Variants in LRRC53 observed in about 807,000 individuals in gnomAD.
LRRC53 encodes leucine-rich repeat-containing protein 53.
LRRC53 carries 25 observed loss-of-function variants against 13.6 expected under a neutral mutation model. That is an observed-to-expected ratio of 1.83 (90% CI 1.34 to 2.56). The LOEUF is 2.56. Among genes scored for constraint, LRRC53 ranks in the 30% most tolerant of loss-of-function variants. The probability of loss-of-function intolerance (pLI) is 0.00; values close to 1 mark genes in which losing one functional copy is unlikely to be tolerated. For missense variants in LRRC53, 527 were observed against 275.8 expected, an observed-to-expected ratio of 1.91 and a Z score of -6.45; for synonymous variants, 204 against 109.8, an observed-to-expected ratio of 1.86 and a Z score of -5.37.
the LRRC53 span, among the ~76,000 whole-genome samples, chr1:74,534,062 G>A: frequency 1.3e-5 from 2 of 152,052 alleles, no homozygotes; most frequent in African/African-American, 4.8e-5. Flanking sequence ...CACCCCACAG[G>A]GGTTTTATAA....
intron 1 of LRRC53, among the ~76,000 whole-genome samples, chr1:74,496,133 C>T (rs9730586): frequency 0.63 from 95,705 of 152,006 alleles, 30,914 homozygotes; most frequent in African/African-American, 0.78. Flanking sequence ...CTTTAAAGTT[C>T]CCCAGGTGAT....
intron 2 of LRRC53, among the ~76,000 whole-genome samples, chr1:74,483,015 T>C (rs1474936673): frequency 6.6e-6 from 1 of 152,218 alleles, no homozygotes; most frequent in Non-Finnish European, 1.5e-5. Flanking sequence ...CTGGATAAAA[T>C]GGTGATATTC....
intron 1 of LRRC53, among the ~76,000 whole-genome samples, chr1:74,502,522 A>G (rs1669684735): frequency 6.6e-6 from 1 of 152,204 alleles, no homozygotes. Context: ...CTATCTCTGG[A>G]GACTTAACTT....
intron 4 of LRRC53, among the ~76,000 whole-genome samples, chr1:74,473,631 C>G (rs574118569): frequency 6.6e-6 from 1 of 151,754 alleles, no homozygotes; most frequent in Non-Finnish European, 1.5e-5. Context: ...TGGGGATACT[C>G]CATCTCCAAT....
rs778420807 is a variant in LRRC53 at position 74,471,109 on chromosome 1, G to C, written c.2513C>G (p.Ser838Ter). Residue 838 changes from serine (S) to a stop codon, truncating the protein, a stop_gained, in exon 5 of 5, where the codon TCA becomes TGA. Coordinates refer to ENST00000294635, the MANE Select transcript of LRRC53 (RefSeq NM_001382280.1). LOFTEE classifies it low-confidence loss of function (END_TRUNC). ...SAGHIPDGNT[S>*]KLPQPTPTDA... Reference sequence around the variant, plus strand: ...AGTGGGTGTAGGTTGGGGCAATTTTGATGTGTTTCCATCAGGAATGTGGCC... The same window carrying C: ...AGTGGGTGTAGGTTGGGGCAATTTTCATGTGTTTCCATCAGGAATGTGGCC... The C allele has an allele frequency of 2.5e-6, 1 of 400,648 alleles. No homozygotes were observed. The allele number at this position is 400,648 out of a possible 1,614,324, so 24.8% of individuals were successfully genotyped here.
At chr1:74,499,293 C>T (rs1669489366) in intron 1 of LRRC53, among the ~76,000 whole-genome samples, 1 of 152,186 alleles carries the variant, frequency 6.6e-6, no homozygotes, top group African/African-American at 2.4e-5. Flanking sequence ...AGGCATGCGC[C>T]ACCATGCCCA....
chr1:74,532,981 T>A, the LRRC53 span, among the ~76,000 whole-genome samples: 252 of 152,228 alleles, frequency 1.7e-3, 1 homozygote, highest in African/African-American at 5.6e-3. Flanking sequence ...AACCTAGGCA[T>A]TACCATTCAG....
At chr1:74,493,709 C>G (rs1451127733) in intron 1 of LRRC53, among the ~76,000 whole-genome samples, 1 of 152,160 alleles carries the variant, frequency 6.6e-6, no homozygotes, top group Non-Finnish European at 1.5e-5. Flanking sequence ...GTCTATCAAC[C>G]TCCTTGGACA....
chr1:74,507,339 T>C (rs1365867618), intron 1 of LRRC53, among the ~76,000 whole-genome samples: 2 of 150,912 alleles, frequency 1.3e-5, no homozygotes, highest in Non-Finnish European at 3.0e-5. Context: ...TAGTTACCCA[T>C]CATGTTTGCT....
intron 1 of LRRC53, among the ~76,000 whole-genome samples, chr1:74,485,714 A>T (rs1364811695): frequency 2.0e-5 from 3 of 152,212 alleles, no homozygotes; most frequent in Non-Finnish European, 4.4e-5. Flanking sequence ...CACAGAGTGG[A>T]AGTCAGGCAT....
At position 74,475,527 on chromosome 1, in the gene LRRC53, G is replaced by A. The variant is rs1045908513; in HGVS notation, c.1188C>T (p.Asp396=). Residue 396 remains aspartate, a synonymous_variant, in exon 4 of 5, where the codon GAC becomes GAT. Coordinates refer to ENST00000294635, the MANE Select transcript of LRRC53 (RefSeq NM_001382280.1). ...TCTTTTTCAGGTTTCTAAATGATCCGTCAAGGGTTGCAGACTCAGAGGCCG... is the reference window on the plus strand; with the variant it reads ...TCTTTTTCAGGTTTCTAAATGATCCATCAAGGGTTGCAGACTCAGAGGCCG... The part of the protein sequence containing the change: ...ATSASESATL[D]GSFRNLKKKD... 8.4e-6 allele frequency: 6 copies of A among 717,248 alleles called. No individual in the cohort carries two copies. Among genetic ancestry groups the A allele is most frequent in the East Asian group, 5.4e-5 (2 of 37,296 alleles). 44.4% of individuals were successfully genotyped at this position (717,248 alleles called of 1,614,324 possible).
chr1:74,501,634 G>T (rs551628698), intron 1 of LRRC53, among the ~76,000 whole-genome samples: 1 of 151,950 alleles, frequency 6.6e-6, no homozygotes, highest in African/African-American at 2.4e-5. Context: ...TTACAGGCAC[G>T]CACTACCACG....
the LRRC53 span, among the ~76,000 whole-genome samples, chr1:74,526,790 C>A: frequency 3.9e-5 from 6 of 152,280 alleles, no homozygotes; most frequent in South Asian, 6.2e-4. Flanking sequence ...CTTAGGAGAG[C>A]AACACGTATA....
At chr1:74,499,673 T>G (rs1669510875) in intron 1 of LRRC53, among the ~76,000 whole-genome samples, 1 of 152,136 alleles carries the variant, frequency 6.6e-6, no homozygotes, top group African/African-American at 2.4e-5. Context: ...ATACTCAGCT[T>G]GTATTTCCCA....
At chr1:74,479,850 T>G (rs1668391148) in intron 3 of LRRC53, among the ~76,000 whole-genome samples, 1 of 152,228 alleles carries the variant, frequency 6.6e-6, no homozygotes, top group Non-Finnish European at 1.5e-5. Flanking sequence ...TCCTGTATTA[T>G]ACACAAGGAA....
chr1:74,499,823 T>C (rs986005731), intron 1 of LRRC53, among the ~76,000 whole-genome samples: 1 of 152,158 alleles, frequency 6.6e-6, no homozygotes, highest in Non-Finnish European at 1.5e-5. Flanking sequence ...TTAATATCTT[T>C]TAGTAAGAGT....
the LRRC53 span, among the ~76,000 whole-genome samples, chr1:74,531,248 A>G: frequency 5.2e-5 from 8 of 152,384 alleles, no homozygotes; most frequent in African/African-American, 1.4e-4. Context: ...ATTTGTTTCA[A>G]TTTAGGACAT....
chr1:74,474,559 C>A (rs1157193987), intron 4 of LRRC53, among the ~76,000 whole-genome samples: 2 of 152,160 alleles, frequency 1.3e-5, no homozygotes, highest in Non-Finnish European at 2.9e-5. Flanking sequence ...TGTTGTGAAC[C>A]AATTCAAATA....
chr1:74,491,064 C>A (rs767562823), intron 1 of LRRC53, among the ~76,000 whole-genome samples: 1 of 151,954 alleles, frequency 6.6e-6, no homozygotes, highest in South Asian at 2.1e-4. Context: ...TGTCTGTGAG[C>A]CTTTTAAAGG....
Sources: allele counts gnomAD v4.1 joint callset (sites outside exome capture counted in the v4.1 genomes callset), GRCh38; gene constraint gnomAD v4.1.1; transcripts MANE v1.5; gene names NCBI Gene and HGNC (gene_info 2026-07-23, HGNC 2026-07-21).